The following FSTL5 variants were observed in gnomAD, a reference collection of about 807,000 sequenced individuals.
FSTL5 encodes follistatin-related protein 5.
Under a neutral mutation model 89.1 loss-of-function variants are expected in FSTL5, and 62 were observed. The observed-to-expected ratio is 0.70, with a 90% CI of 0.57 to 0.86. The LOEUF is 0.86. FSTL5 is among the 40% of genes least tolerant of loss of function. The pLI, the probability that FSTL5 is intolerant of heterozygous loss-of-function variation, is 0.00. For missense variants in FSTL5, 1,057 were observed against 1,001.6 expected (o/e 1.06, Z -0.75); for synonymous variants, 383 against 346.2 (o/e 1.11, Z -1.18).
At chr4:161,640,722 A>C (rs532092449) in intron 7 of FSTL5, among the ~76,000 whole-genome samples, 1 of 152,112 alleles carries the variant, frequency 6.6e-6, no homozygotes, top group South Asian at 2.1e-4. Context: ...CCAGAAGGAG[A>C]AGAAGCAGAG....
At chr4:161,650,886 A>G (rs1330221657) in intron 7 of FSTL5, among the ~76,000 whole-genome samples, 6 of 152,174 alleles carry the variant, frequency 3.9e-5, no homozygotes, top group Admixed American at 3.9e-4. Context: ...GTTTAGACCT[A>G]CTTTCTCTCA....
intron 3 of FSTL5, among the ~76,000 whole-genome samples, chr4:162,004,783 T>C (rs1048125261): frequency 1.3e-5 from 2 of 152,196 alleles, no homozygotes; most frequent in Admixed American, 1.3e-4. Context: ...AAATAACCTC[T>C]ATAAAAGTAG....
rs556406219 is a variant in FSTL5, at chr4:162,137,651, T to A, written c.-17+25964A>T. ...AGTTGTCCTTCTTTGGCAGTAGACA[T>A]TTGTATTATTTACAAATTTGCAAAA... On this transcript the variant is annotated intron_variant, in intron 1 of 15. Transcript: ENST00000306100. Among the ~76,000 whole-genome samples, 37 of 152,262 alleles carry A rather than the reference T, an allele frequency of 2.4e-4. No homozygotes were observed. In the South Asian group the frequency reaches 7.5e-3, roughly 31 times the overall value.
At chr4:161,808,233 A>G (rs67452127) in intron 4 of FSTL5, among the ~76,000 whole-genome samples, 30,636 of 152,036 alleles carry the variant, frequency 0.2, 3,142 homozygotes, top group Middle Eastern at 0.29. Flanking sequence ...CCAATGTATG[A>G]TTGCAAAGTA....
chr4:161,641,047 T>C (rs571642848), intron 7 of FSTL5, among the ~76,000 whole-genome samples: 107 of 152,316 alleles, frequency 7.0e-4, no homozygotes, highest in Admixed American at 3.4e-3. Flanking sequence ...TAATCCTATA[T>C]CTGGCTTAGC....
chr4:161,845,123 A>T (rs1731328144), intron 4 of FSTL5, among the ~76,000 whole-genome samples: 1 of 152,182 alleles, frequency 6.6e-6, no homozygotes, highest in African/African-American at 2.4e-5. Context: ...TCCTGAGTTG[A>T]AGTGTCCAGA....
At chr4:161,585,258 T>A (rs1733568216) in intron 8 of FSTL5, among the ~76,000 whole-genome samples, 1 of 152,168 alleles carries the variant, frequency 6.6e-6, no homozygotes, top group African/African-American at 2.4e-5. Flanking sequence ...GAAACCTACA[T>A]CAGACATGAA....
chr4:161,750,434 G>C (rs1560824454), intron 6 of FSTL5, among the ~76,000 whole-genome samples: 1 of 152,108 alleles, frequency 6.6e-6, no homozygotes, highest in African/African-American at 2.4e-5. Context: ...ATATTGGTAT[G>C]ATAATAATAT....
intron 6 of FSTL5, among the ~76,000 whole-genome samples, chr4:161,671,945 G>A (rs1200801143): frequency 6.6e-6 from 1 of 152,122 alleles, no homozygotes; most frequent in African/African-American, 2.4e-5. Context: ...TCAGCCAGAA[G>A]GAAAGCAATC....
At chr4:161,824,687 T>C (rs1253372161) in intron 4 of FSTL5, among the ~76,000 whole-genome samples, 4 of 152,172 alleles carry the variant, frequency 2.6e-5, no homozygotes, top group Admixed American at 6.5e-5. Context: ...TAGTTTGTGA[T>C]TTTTTGCAGC....
intron 6 of FSTL5, among the ~76,000 whole-genome samples, chr4:161,691,473 A>G (rs911051909): frequency 6.6e-6 from 1 of 151,970 alleles, no homozygotes; most frequent in Non-Finnish European, 1.5e-5. Flanking sequence ...GAATCTTCCC[A>G]ATTTGTTTTT....
At position 161,459,244 on chromosome 4, in the gene FSTL5, C is replaced by G. The variant is rs1317758296; in HGVS notation, c.1684G>C (p.Gly562Arg). 6.2e-7 allele frequency: 1 copy of G among 1,612,488 alleles called. No individual in the cohort carries two copies. The highest frequency in any genetic ancestry group is 8.5e-7 in the Non-Finnish European group (1 of 1,178,834). ...GTTGGTGATGTCTTCTCCAAGGTAC[C>G]CCAGCTTAGCACCCAGACCTGATCA... ...SHDQVWVLSW[G>R]TLEKTSPTLQ... is the part of the protein sequence containing the mutation. Residue 562 changes from glycine to arginine, a missense_variant, in exon 14 of 16, where the codon GGT (glycine) becomes CGT (arginine). By Grantham distance (125) the Gly-to-Arg change is moderately radical (BLOSUM62 -2). Around this residue, in one of 3 missense-constraint regions of FSTL5, gnomAD observed 980 missense variants for 903.2 expected, o/e 1.08. Transcript: ENST00000306100.
chr4:161,574,288 A>G (rs1161617976), intron 8 of FSTL5, among the ~76,000 whole-genome samples: 1 of 151,888 alleles, frequency 6.6e-6, no homozygotes, highest in African/African-American at 2.4e-5. Flanking sequence ...ACACCCAGGC[A>G]ACTTCTATCT....
chr4:161,765,391 G>A (rs575659082), intron 5 of FSTL5, among the ~76,000 whole-genome samples: 26 of 152,114 alleles, frequency 1.7e-4, no homozygotes, highest in South Asian at 6.2e-4. Context: ...GAGATAAAAC[G>A]GCTATTATAA....
chr4:161,560,274 G>A (rs570767722), intron 8 of FSTL5, among the ~76,000 whole-genome samples: 45 of 151,796 alleles, frequency 3.0e-4, no homozygotes, highest in Non-Finnish European at 5.2e-4. Context: ...CACTTACCAC[G>A]AATGAAGCTT....
chr4:161,982,962 A>G (rs753094869), intron 3 of FSTL5, among the ~76,000 whole-genome samples: 6 of 152,198 alleles, frequency 3.9e-5, no homozygotes, highest in African/African-American at 7.2e-5. Context: ...CTACAATATT[A>G]TCATATTCAA....
chr4:162,038,857 G>A (rs1737840983), intron 2 of FSTL5, among the ~76,000 whole-genome samples: 2 of 151,738 alleles, frequency 1.3e-5, no homozygotes, highest in African/African-American at 4.8e-5. Context: ...AATGCTAAGT[G>A]CATCATCTCC....
At chr4:161,550,291 C>G (rs1189999847) in intron 8 of FSTL5, among the ~76,000 whole-genome samples, 2 of 151,914 alleles carry the variant, frequency 1.3e-5, no homozygotes, top group African/African-American at 4.8e-5. Flanking sequence ...CAAGCTTGCA[C>G]AGTGACAAGG....
chr4:161,554,829 T>C (rs1224601941), intron 8 of FSTL5, among the ~76,000 whole-genome samples: 1 of 151,690 alleles, frequency 6.6e-6, no homozygotes, highest in Admixed American at 6.6e-5. Flanking sequence ...GATTGTTCTG[T>C]TTGTATTATG....
Sources: allele counts gnomAD v4.1 joint callset (sites outside exome capture counted in the v4.1 genomes callset), GRCh38; gene constraint gnomAD v4.1.1; regional missense constraint gnomAD v4.1.1; transcripts MANE v1.5; gene names NCBI Gene and HGNC (gene_info 2026-07-23, HGNC 2026-07-21).